Variants in CRADD observed in about 807,000 individuals in gnomAD.
CRADD encodes the protein death domain-containing protein CRADD.
CRADD carries 9 observed loss-of-function variants against 15.5 expected under a neutral mutation model. The observed-to-expected ratio is 0.58, with a 90% confidence interval of 0.35 to 1.01. CRADD has a LOEUF of 1.01. Ranked by LOEUF, CRADD falls within the 50% of genes least tolerant of loss-of-function variation. CRADD has a pLI of 0.02. For missense variants in CRADD, 227 were observed against 250.3 expected, an observed-to-expected ratio of 0.91 and a Z score of 0.63; for synonymous variants, 118 against 107.6, an observed-to-expected ratio of 1.10 and a Z score of -0.60.
chr12:93,780,035 C>T (rs531023596), intron 2 of CRADD, among the ~76,000 whole-genome samples: 1 of 152,294 alleles, frequency 6.6e-6, no homozygotes, highest in East Asian at 1.9e-4. Flanking sequence ...AGCACAAGTT[C>T]ATACTGAGCT....
At chr12:93,753,845 G>T (rs1592962000) in intron 2 of CRADD, among the ~76,000 whole-genome samples, 1 of 152,216 alleles carries the variant, frequency 6.6e-6, no homozygotes, top group Non-Finnish European at 1.5e-5. Flanking sequence ...TTTTCCAGGT[G>T]CATGGTTCAA....
At chr12:93,695,795 C>T (rs1246362730) in intron 2 of CRADD, among the ~76,000 whole-genome samples, 1 of 152,130 alleles carries the variant, frequency 6.6e-6, no homozygotes, top group Admixed American at 6.5e-5. Flanking sequence ...ACTTGGGAGG[C>T]TGAGGCAGGA....
At chr12:93,706,691 G>A (rs968769905) in intron 2 of CRADD, among the ~76,000 whole-genome samples, 1 of 152,114 alleles carries the variant, frequency 6.6e-6, no homozygotes, top group African/African-American at 2.4e-5. Context: ...AATAAAAATT[G>A]TTTGTACAAA....
intron 2 of CRADD, among the ~76,000 whole-genome samples, chr12:93,755,618 C>T (rs973076905): frequency 1.3e-5 from 2 of 152,160 alleles, no homozygotes; most frequent in Non-Finnish European, 2.9e-5. Context: ...CACAGGCGTA[C>T]CTCCTTTAGG....
chr12:93,893,044 T>C (rs546935219), intron 2 of CRADD, among the ~76,000 whole-genome samples: 1 of 152,334 alleles, frequency 6.6e-6, no homozygotes, highest in South Asian at 2.1e-4. Context: ...AAGGGACACA[T>C]GTAGCCCTGT....
At chr12:93,831,312 G>C (rs1313147032) in intron 2 of CRADD, 1 of 152,232 alleles carries the variant, frequency 6.6e-6, no homozygotes, top group Non-Finnish European at 1.5e-5. Flanking sequence ...TCAGTAGTGG[G>C]ATTGTACCTG....
chr12:93,829,934 C>T (rs1020135051), intron 2 of CRADD, among the ~76,000 whole-genome samples: 6 of 152,072 alleles, frequency 3.9e-5, no homozygotes, highest in East Asian at 1.9e-4. Flanking sequence ...TCAGGCAATC[C>T]GCCCACCTCG....
At chr12:93,793,389 T>A (rs777139647) in intron 2 of CRADD, among the ~76,000 whole-genome samples, 1 of 152,216 alleles carries the variant, frequency 6.6e-6, no homozygotes, top group Non-Finnish European at 1.5e-5. Flanking sequence ...TTTATAAAAA[T>A]GGAAGGACCT....
chr12:93,698,475 T>G (rs1565876692), intron 2 of CRADD, among the ~76,000 whole-genome samples: 1 of 152,212 alleles, frequency 6.6e-6, no homozygotes, highest in Non-Finnish European at 1.5e-5. Flanking sequence ...ATTAGAGAGA[T>G]AGCACCGGAC....
intron 2 of CRADD, among the ~76,000 whole-genome samples, chr12:93,698,415 C>A (rs1451563925): frequency 6.6e-6 from 1 of 152,170 alleles, no homozygotes; most frequent in African/African-American, 2.4e-5. Context: ...TCTGAATCAA[C>A]TTGAAGTAGT....
intron 2 of CRADD, among the ~76,000 whole-genome samples, chr12:93,745,043 G>A (rs1290796586): frequency 6.6e-6 from 1 of 152,162 alleles, no homozygotes; most frequent in Non-Finnish European, 1.5e-5. Flanking sequence ...TGGGTTCCCT[G>A]ACCTAGCTGC....
chr12:93,776,201 G>C (rs1302587644), intron 2 of CRADD, among the ~76,000 whole-genome samples: 2 of 152,030 alleles, frequency 1.3e-5, no homozygotes, highest in African/African-American at 4.8e-5. Flanking sequence ...ACAGAATAGT[G>C]GTCCACTGTA....
intron 2 of CRADD, among the ~76,000 whole-genome samples, chr12:93,722,112 A>G (rs922121534): frequency 6.6e-6 from 1 of 152,194 alleles, no homozygotes; most frequent in African/African-American, 2.4e-5. Context: ...CACAAGGTAC[A>G]AGAATTCTAA....
At chr12:93,694,404 C>G (rs981098886) in intron 2 of CRADD, among the ~76,000 whole-genome samples, 1 of 152,068 alleles carries the variant, frequency 6.6e-6, no homozygotes, top group African/African-American at 2.4e-5. Context: ...CTTTTAAGAT[C>G]AGGAACAAGA....
intron 2 of CRADD, among the ~76,000 whole-genome samples, chr12:93,803,120 C>G (rs1010050998): frequency 1.3e-5 from 2 of 152,210 alleles, no homozygotes; most frequent in African/African-American, 4.8e-5. Context: ...TTGGTATACT[C>G]TCAGCTGTTT....
intron 2 of CRADD, among the ~76,000 whole-genome samples, chr12:93,691,255 CTTTTTTTTTT>C (rs66640128): frequency 7.1e-6 from 1 of 141,526 alleles, no homozygotes; most frequent in Non-Finnish European, 1.6e-5. Context: ...CTTTTGTTTT[CTTTTTTTTTT>C]TTTTTGAGAC....
intron 2 of CRADD, among the ~76,000 whole-genome samples, chr12:93,873,286 A>G (rs961748416): frequency 6.6e-6 from 1 of 152,084 alleles, no homozygotes; most frequent in African/African-American, 2.4e-5. Context: ...GAATTTGTTT[A>G]TCAGTTCTAA....
intron 2 of CRADD, among the ~76,000 whole-genome samples, chr12:93,791,267 C>T (rs1334379546): frequency 6.6e-6 from 1 of 151,906 alleles, no homozygotes; most frequent in Non-Finnish European, 1.5e-5. Context: ...GAGAATCAAC[C>T]CAAGTGTCCA....
chr12:93,841,846 C>T (rs1251164868), intron 2 of CRADD, among the ~76,000 whole-genome samples: 2 of 152,066 alleles, frequency 1.3e-5, no homozygotes, highest in South Asian at 2.1e-4. Context: ...TTTTCTAGTC[C>T]CGCACACCTG....
Sources: gnomAD v4.1 joint callset for allele counts (sites outside exome capture counted in the v4.1 genomes callset) on GRCh38, gnomAD v4.1.1 for gene constraint, MANE v1.5 for transcripts, NCBI Gene and HGNC (gene_info 2026-07-23, HGNC 2026-07-21) for gene names.